The following TCF4 variants were observed in gnomAD, a reference collection of about 807,000 sequenced individuals.
TCF4 encodes the protein SL3-3 enhancer factor 2.
A neutral mutation model predicts 82.1 loss-of-function variants in TCF4; 3 were observed. The observed-to-expected ratio is 0.04, with a 90% confidence interval of 0.02 to 0.09. The LOEUF is 0.09. Ranked by LOEUF, TCF4 falls within the 10% of genes least tolerant of loss-of-function variation. The pLI is 1.00. For missense variants in TCF4, 518 were observed against 852.7 expected (o/e 0.61, Z 4.89); for synonymous variants, 276 against 309.6 (o/e 0.89, Z 1.14).
chr18:55,484,244 G>A (rs2096484544), intron 3 of TCF4, among the ~76,000 whole-genome samples: 1 of 152,066 alleles, frequency 6.6e-6, no homozygotes, highest in East Asian at 1.9e-4. Flanking sequence ...CTAATTATAA[G>A]GGCTTTTCTT....
intron 5 of TCF4, among the ~76,000 whole-genome samples, chr18:55,423,021 G>GCACA (rs1321025757): frequency 6.8e-5 from 10 of 147,168 alleles, no homozygotes; most frequent in Admixed American, 6.8e-4. Context: ...ACACACACAC[G>GCACA]CACACACAGA....
intron 3 of TCF4, among the ~76,000 whole-genome samples, chr18:55,555,213 C>T (rs1035748640): frequency 1.6e-4 from 25 of 152,164 alleles, no homozygotes; most frequent in Admixed American, 2.6e-4. Context: ...GCTAGACACT[C>T]AACTCACAAA....
At chr18:55,553,735 T>C (rs771820663) in intron 3 of TCF4, among the ~76,000 whole-genome samples, 11 of 152,188 alleles carry the variant, frequency 7.2e-5, no homozygotes, top group Non-Finnish European at 1.2e-4. Context: ...TAGCGGCTGC[T>C]ATAAGCATAT....
At chr18:55,382,184 T>C (rs994803684) in intron 6 of TCF4, among the ~76,000 whole-genome samples, 2 of 152,166 alleles carry the variant, frequency 1.3e-5, no homozygotes, top group East Asian at 3.9e-4. Flanking sequence ...CAGTGGGCAT[T>C]AAGTGTGGAG....
At chr18:55,628,312 C>A (rs911408943) in intron 2 of TCF4, among the ~76,000 whole-genome samples, 2 of 152,144 alleles carry the variant, frequency 1.3e-5, no homozygotes, top group African/African-American at 4.8e-5. Flanking sequence ...GCTTTCCTGG[C>A]ATCTGGTTTG....
At chr18:55,502,440 T>G (rs921556433) in intron 3 of TCF4, among the ~76,000 whole-genome samples, 2 of 152,202 alleles carry the variant, frequency 1.3e-5, no homozygotes, top group African/African-American at 2.4e-5. Context: ...TCATGACATT[T>G]AAAGGACAAT....
intron 8 of TCF4, among the ~76,000 whole-genome samples, chr18:55,312,601 T>C (rs752951066): frequency 6.6e-6 from 1 of 152,210 alleles, no homozygotes; most frequent in Non-Finnish European, 1.5e-5. Context: ...TTCTTGGGGT[T>C]AATTAAGGAA....
At chr18:55,403,073 C>G (rs960135670) in intron 6 of TCF4, among the ~76,000 whole-genome samples, 3 of 152,128 alleles carry the variant, frequency 2.0e-5, no homozygotes, top group African/African-American at 4.8e-5. Context: ...AATAGCCACC[C>G]GAAACCCAGG....
At chr18:55,261,123 T>C (rs1260277049) in intron 12 of TCF4, 1 of 194,906 alleles carries the variant, frequency 5.1e-6, no homozygotes, top group Non-Finnish European at 1.0e-5. Flanking sequence ...TTAGAACTAT[T>C]CCTTGCTAAG....
At chr18:55,467,378 C>T (rs2096054276) in intron 3 of TCF4, among the ~76,000 whole-genome samples, 1 of 152,158 alleles carries the variant, frequency 6.6e-6, no homozygotes, top group African/African-American at 2.4e-5. Flanking sequence ...ACCTGAATCA[C>T]CTGTATGCCC....
chr18:55,412,607 T>G (rs2094393249), intron 5 of TCF4, among the ~76,000 whole-genome samples: 1 of 152,164 alleles, frequency 6.6e-6, no homozygotes, highest in South Asian at 2.1e-4. Context: ...TCTGTCCACG[T>G]TCTGTGGAGG....
chr18:55,366,332 C>T (rs1301686389), intron 6 of TCF4, among the ~76,000 whole-genome samples: 1 of 152,106 alleles, frequency 6.6e-6, no homozygotes, highest in African/African-American at 2.4e-5. Context: ...TTGTTTTTGT[C>T]TTACTAGGTG....
At chr18:55,502,543 T>G (rs1274906550) in intron 3 of TCF4, among the ~76,000 whole-genome samples, 1 of 152,198 alleles carries the variant, frequency 6.6e-6, no homozygotes, top group Non-Finnish European at 1.5e-5. Context: ...CATACAAATC[T>G]AATACACCCA....
At chr18:55,590,499 C>T (rs1240599834), upstream of TCF4, among the ~76,000 whole-genome samples, 1 of 152,230 alleles carries the variant, frequency 6.6e-6, no homozygotes, top group Non-Finnish European at 1.5e-5. Context: ...TCTGGCCAAG[C>T]AGTTACCTTC....
intron 13 of TCF4, chr18:55,259,713 A>G (rs1033776744): frequency 2.3e-5 from 12 of 515,260 alleles, no homozygotes; most frequent in East Asian, 9.5e-5. Context: ...TACATTTTCC[A>G]TATGCCTGTA....
chr18:55,404,004 T>C, intron 5 of TCF4: 1 of 1,211,472 alleles, frequency 8.3e-7, no homozygotes, highest in Non-Finnish European at 1.0e-6. Flanking sequence ...TCTCTCTCTC[T>C]CTCTCTTTTT....
chr18:55,530,310 A>G (rs2097045585), intron 3 of TCF4, among the ~76,000 whole-genome samples: 1 of 152,154 alleles, frequency 6.6e-6, no homozygotes, highest in Non-Finnish European at 1.5e-5. Flanking sequence ...CACTCTTTTT[A>G]GAAAGAGTAG....
intron 5 of TCF4, among the ~76,000 whole-genome samples, chr18:55,404,672 C>A (rs1333054912): frequency 6.6e-6 from 1 of 152,134 alleles, no homozygotes; most frequent in East Asian, 1.9e-4. Flanking sequence ...GTCTTTTTAT[C>A]TTTTAGGTCA....
At chr18:55,377,838 A>G (rs1363518303) in intron 6 of TCF4, among the ~76,000 whole-genome samples, 2 of 152,258 alleles carry the variant, frequency 1.3e-5, no homozygotes, top group African/African-American at 4.8e-5. Context: ...TTGTGAAACA[A>G]GACACATTGC....
Sources: gnomAD v4.1 joint callset for allele counts (sites outside exome capture counted in the v4.1 genomes callset) on GRCh38, gnomAD v4.1.1 for gene constraint, MANE v1.5 for transcripts, NCBI Gene and HGNC (gene_info 2026-07-23, HGNC 2026-07-21) for gene names.